The following COL28A1 variants were observed in gnomAD, a reference collection of about 807,000 sequenced individuals.
COL28A1 encodes collagen type XXVIII alpha 1 chain.
A neutral mutation model predicts 150.2 loss-of-function variants in COL28A1; 161 were observed. The observed-to-expected ratio is 1.07, with a 90% CI of 0.94 to 1.22. The LOEUF (loss-of-function observed/expected upper bound fraction) is 1.22, where lower values mean the gene tolerates loss of function less well. COL28A1 is among the 50% of genes most tolerant of loss of function. The pLI is 0.00. For missense variants in COL28A1, 1,617 were observed against 1,388.3 expected (o/e 1.16, Z -2.62); for synonymous variants, 552 against 469.7 (o/e 1.18, Z -2.26).
rs531316109 is a variant in COL28A1 at position 7,524,875 on chromosome 7, G to A, written c.682-626C>T. On this transcript the variant is annotated intron_variant, in intron 3 of 34. Coordinates refer to ENST00000399429, the MANE Select transcript of COL28A1 (RefSeq NM_001037763.3). ...GAGTTTTCTATTTCAAATTTGAAAAGCCTCCAATATGATACTTTATTTACA... is the reference window on the plus strand; with the variant it reads ...GAGTTTTCTATTTCAAATTTGAAAAACCTCCAATATGATACTTTATTTACA... Among the ~76,000 whole-genome samples, 10 of 152,142 alleles carry A rather than the reference G, an allele frequency of 6.6e-5. No homozygotes were observed. In the East Asian group the frequency reaches 1.9e-3, roughly 29 times the overall value.
intron 27 of COL28A1, among the ~76,000 whole-genome samples, chr7:7,414,103 G>C (rs1562582428): frequency 6.6e-6 from 1 of 152,178 alleles, no homozygotes; most frequent in Admixed American, 6.5e-5. Context: ...ATCCACATCT[G>C]TCTCCGTGCT....
Position 7,373,216 on chromosome 7 carries a change from T to G in COL28A1, c.2690A>C (p.Lys897Thr), listed in dbSNP as rs773795714. Residue 897 changes from lysine (K) to threonine (T), a missense_variant, in exon 32 of 35, where the codon AAA (lysine) becomes ACA (threonine). Lys to Thr is a moderately conservative substitution (Grantham distance 78, BLOSUM62 -1). Coordinates refer to ENST00000399429, the MANE Select transcript of COL28A1 (RefSeq NM_001037763.3). The surrounding 1 kb of genome is among the most constrained non-coding windows in gnomAD (Gnocchi z 4.1). ...MFEDARPGVK[K>T]VALVITDGQT... The stretch of plus-strand genomic sequence containing the variant: ...TCCATCAGTGATGACCAAGGCCACT[T>G]TTTTTACACCTGGCCTTGCATCTTC... The G allele has an allele frequency of 3.7e-6, 6 of 1,614,054 alleles. No homozygotes were observed. In the African/African-American group the frequency reaches 8.0e-5, roughly 22 times the overall value.
chr7:7,339,727 C>T, the COL28A1 span, among the ~76,000 whole-genome samples: 1 of 152,040 alleles, frequency 6.6e-6, no homozygotes, highest in East Asian at 1.9e-4. Context: ...ATGAGAATCA[C>T]CATGCTGTGT....
At chr7:7,521,144 T>A (rs1351161102) in intron 5 of COL28A1, among the ~76,000 whole-genome samples, 1 of 152,190 alleles carries the variant, frequency 6.6e-6, no homozygotes, top group Non-Finnish European at 1.5e-5. Context: ...TCTTCTGAAC[T>A]CTAAGGATGA....
downstream of COL28A1, chr7:7,356,686 C>A (rs1050918373): frequency 6.6e-6 from 1 of 151,534 alleles, no homozygotes; most frequent in Non-Finnish European, 1.5e-5. Flanking sequence ...CACACCAGGG[C>A]CTGTTGTGGG....
the COL28A1 span, among the ~76,000 whole-genome samples, chr7:7,340,362 C>T: frequency 6.6e-6 from 1 of 152,110 alleles, no homozygotes; most frequent in Non-Finnish European, 1.5e-5. Flanking sequence ...ACCTGCTAAC[C>T]TGGCCCAGGT....
Position 7,362,494 on chromosome 7 carries a change from T to A in COL28A1, c.3067-1966A>T, listed in dbSNP as rs144147126. ...GCTAAGCTGTTCTATTGCTTTTGAT[T>A]TTTTTTGTGTGTGCATGCATACATA... On this transcript the variant is annotated intron_variant, in intron 33 of 34. Coordinates refer to ENST00000399429, the MANE Select transcript of COL28A1 (RefSeq NM_001037763.3). 1.3e-3 allele frequency among the ~76,000 whole-genome samples: 205 copies of A among 152,272 alleles called. 4 individuals carry two copies. The East Asian group carries it at 0.036, about 26-fold the overall frequency.
intron 15 of COL28A1, 102 bp from the exon 16 acceptor site, chr7:7,456,214 C>A: frequency 7.2e-7 from 1 of 1,380,868 alleles, no homozygotes; most frequent in Non-Finnish European, 9.5e-7. Context: ...TATCTTTATA[C>A]TATAAAAAAA....
intron 1 of COL28A1, 127 bp from the exon 2 acceptor site, chr7:7,533,039 G>A: frequency 9.6e-7 from 1 of 1,042,862 alleles, no homozygotes; most frequent in Non-Finnish European, 1.3e-6. Context: ...CATATTTCTA[G>A]AAAAATATTC....
chr7:7,388,778 G>A (rs764907035), intron 27 of COL28A1, among the ~76,000 whole-genome samples: 18 of 152,036 alleles, frequency 1.2e-4, no homozygotes, highest in Admixed American at 6.6e-4. Flanking sequence ...TTTTTTTCAC[G>A]TTTGCTGACT....
intron 27 of COL28A1, among the ~76,000 whole-genome samples, chr7:7,395,031 C>A (rs1442713623): frequency 6.6e-6 from 1 of 152,126 alleles, no homozygotes; most frequent in Non-Finnish European, 1.5e-5. Flanking sequence ...GTGGCTTATG[C>A]CTGTAATCCC....
chr7:7,362,141 G>T (rs1195843558), intron 33 of COL28A1, among the ~76,000 whole-genome samples: 1 of 152,240 alleles, frequency 6.6e-6, no homozygotes, highest in East Asian at 1.9e-4. Flanking sequence ...TAACAAACCT[G>T]CACATTCTGC....
chr7:7,453,248 G>C (rs1182190447), intron 17 of COL28A1, among the ~76,000 whole-genome samples, 192 bp downstream of exon 17: 1 of 152,112 alleles, frequency 6.6e-6, no homozygotes, highest in Non-Finnish European at 1.5e-5. Flanking sequence ...TGTAAATAAA[G>C]CTTTCTTAAA....
intron 2 of COL28A1, among the ~76,000 whole-genome samples, chr7:7,532,240 T>G (rs1782405990): frequency 1.3e-5 from 2 of 152,120 alleles, no homozygotes; most frequent in Admixed American, 1.3e-4. Context: ...TGAGCATAGT[T>G]GTCTAGAAGT....
chr7:7,357,134 C>G (rs564850613), downstream of COL28A1: 15 of 152,302 alleles, frequency 9.8e-5, no homozygotes, highest in African/African-American at 3.6e-4. Context: ...TCTGCAACCT[C>G]TGCTTCCCAG....
rs999794374 is a variant in COL28A1, at chr7:7,452,318, C to T, written c.1509+1G>A. 1 of 1,604,012 alleles carries T rather than the reference C, an allele frequency of 6.2e-7. No homozygotes were observed. The highest frequency in any genetic ancestry group is 8.5e-7 in the Non-Finnish European group (1 of 1,177,762). On this transcript the variant is annotated splice_donor_variant, in intron 18 of 34. Transcript: ENST00000399429. LOFTEE classifies it high-confidence loss of function. The stretch of plus-strand genomic sequence containing the variant: ...TCACTTCTGAGCAGCAGTCAACTCA[C>T]CTTTGGACCTTGTACTCCAATTCCC...
intron 25 of COL28A1, among the ~76,000 whole-genome samples, chr7:7,427,308 TTC>T (rs1400140665): frequency 3.3e-5 from 5 of 152,164 alleles, no homozygotes; most frequent in African/African-American, 1.2e-4. Context: ...CTTTAATTAG[TTC>T]TGTTTTGGGC....
At chr7:7,456,218 A>G (rs1787158150) in intron 15 of COL28A1, 106 bp from the exon 16 acceptor site, 1 of 1,342,614 alleles carries the variant, frequency 7.4e-7, no homozygotes, top group Non-Finnish European at 9.8e-7. Flanking sequence ...TTTATACTAT[A>G]AAAAAAATTC....
upstream of COL28A1, among the ~76,000 whole-genome samples, chr7:7,540,796 C>T (rs1349249943): frequency 6.6e-6 from 1 of 152,170 alleles, no homozygotes; most frequent in Non-Finnish European, 1.5e-5. Context: ...AGTGCCTGGG[C>T]CATTAAAGGC....
Sources: allele counts gnomAD v4.1 joint callset (sites outside exome capture counted in the v4.1 genomes callset), GRCh38; gene constraint gnomAD v4.1.1; non-coding constraint Gnocchi (gnomAD v3.1); transcripts MANE v1.5; gene names NCBI Gene and HGNC (gene_info 2026-07-23, HGNC 2026-07-21).